ADGB: variants seen among roughly 807,000 people sequenced by gnomAD.
ADGB encodes calpain-7-like protein.
Under a neutral mutation model 210.5 loss-of-function variants are expected in ADGB, and 172 were observed. The ratio of observed to expected loss-of-function variants is 0.82; its 90% CI spans 0.72 to 0.93. The LOEUF (loss-of-function observed/expected upper bound fraction) is 0.93. Ranked by LOEUF, ADGB falls within the 40% of genes least tolerant of loss-of-function variation. The pLI, the probability that ADGB is intolerant of heterozygous loss-of-function variation, is 0.00. For synonymous variants in ADGB, 658 were observed against 662.7 expected (o/e 0.99, Z 0.11); for missense variants, 2,025 against 1,964.8 (o/e 1.03, Z -0.58).
intron 1 of ADGB, among the ~76,000 whole-genome samples, chr6:146,608,445 G>C (rs1780661634): frequency 6.6e-6 from 1 of 151,830 alleles, no homozygotes; most frequent in Non-Finnish European, 1.5e-5. Flanking sequence ...TGTTTTTCTG[G>C]TTCCTCTTGT....
At chr6:146,749,836 G>C (rs963988356) in intron 26 of ADGB, among the ~76,000 whole-genome samples, 2 of 152,074 alleles carry the variant, frequency 1.3e-5, no homozygotes, top group African/African-American at 2.4e-5. Flanking sequence ...GAGAGAGAGA[G>C]AGAGAAGGGG....
At chr6:146,712,184 G>GC (rs539019467) in intron 13 of ADGB, among the ~76,000 whole-genome samples, 1 of 149,898 alleles carries the variant, frequency 6.7e-6, no homozygotes, top group Non-Finnish European at 1.5e-5. Context: ...GTTTTGTTTT[G>GC]TTTTTTTTTG....
chr6:146,608,606 G>A (rs1429268991), intron 1 of ADGB, among the ~76,000 whole-genome samples: 2 of 152,064 alleles, frequency 1.3e-5, no homozygotes, highest in South Asian at 4.1e-4. Flanking sequence ...GAATTTCTTG[G>A]TTTCTGCCTT....
At chr6:146,688,072 C>T (rs747986138) in intron 10 of ADGB, among the ~76,000 whole-genome samples, 4 of 152,014 alleles carry the variant, frequency 2.6e-5, no homozygotes, top group East Asian at 1.9e-4. Flanking sequence ...TACTATTATA[C>T]GCTAAACAAT....
intron 29 of ADGB, among the ~76,000 whole-genome samples, chr6:146,776,707 C>T (rs1263455755): frequency 6.6e-6 from 1 of 152,028 alleles, no homozygotes; most frequent in Non-Finnish European, 1.5e-5. Flanking sequence ...AGAAATGCTT[C>T]ATGGGGCAGC....
intron 35 of ADGB, among the ~76,000 whole-genome samples, chr6:146,806,848 A>C (rs1778219177): frequency 6.6e-6 from 1 of 152,224 alleles, no homozygotes; most frequent in Non-Finnish European, 1.5e-5. Context: ...ATCCAGGAGG[A>C]GAGCGTGCGG....
intron 3 of ADGB, among the ~76,000 whole-genome samples, chr6:146,652,185 C>T (rs926959848): frequency 3.9e-5 from 6 of 152,146 alleles, no homozygotes; most frequent in African/African-American, 1.2e-4. Context: ...CTCTTACAAA[C>T]TTAATTTCTA....
chr6:146,609,742 T>A (rs542285623), intron 1 of ADGB, among the ~76,000 whole-genome samples: 1 of 152,332 alleles, frequency 6.6e-6, no homozygotes, highest in African/African-American at 2.4e-5. Context: ...TCGTTGGAAT[T>A]CCTTTACTTT....
At chr6:146,690,112 A>G (rs191463120) in intron 10 of ADGB, among the ~76,000 whole-genome samples, 11 of 152,172 alleles carry the variant, frequency 7.2e-5, no homozygotes, top group Non-Finnish European at 1.5e-4. Flanking sequence ...GATCTTGGGA[A>G]GGACTCTACT....
intron 1 of ADGB, among the ~76,000 whole-genome samples, chr6:146,617,417 G>T (rs1780818668): frequency 6.6e-6 from 1 of 151,976 alleles, no homozygotes; most frequent in South Asian, 2.1e-4. Context: ...TTCCAATTTG[G>T]ATGCCCTTTC....
chr6:146,811,441 T>TTA (rs3065940), intron 35 of ADGB, among the ~76,000 whole-genome samples: 89,993 of 149,992 alleles, frequency 0.6, 27,186 homozygotes, highest in East Asian at 0.77. Context: ...CTTTGTGTGT[T>TTA]TATATATATA....
chr6:146,601,526 A>G (rs1049949032), intron 1 of ADGB, among the ~76,000 whole-genome samples: 18 of 152,242 alleles, frequency 1.2e-4, no homozygotes, highest in South Asian at 2.1e-4. Context: ...GTTACTCAGT[A>G]TGAGGCGTAG....
intron 13 of ADGB, among the ~76,000 whole-genome samples, chr6:146,710,727 G>A (rs568032488): frequency 1.1e-4 from 17 of 152,004 alleles, no homozygotes; most frequent in East Asian, 3.9e-4. Context: ...GATTGTATTC[G>A]TTTTAAAGAG....
In ADGB at chr6:146,801,209, A is replaced by G. The variant is rs780698035; in HGVS notation, c.4564A>G (p.Thr1522Ala). ...IQTGPRTRSP[T>A]ILETSPRLIR... ...AACAGGACCTCGTACACGATCTCCA[A>G]CAATTTTGGAAACATCTCCACGACT... The change falls in exon 34 of 36, where the codon ACA (threonine) becomes GCA (alanine). Residue 1522 changes from threonine to alanine, a missense_variant. By Grantham distance (58) the Thr-to-Ala change is moderately conservative. Coordinates refer to ENST00000397944, the MANE Select transcript of ADGB (RefSeq NM_024694.4). 3.1e-5 allele frequency: 46 copies of G among 1,506,444 alleles called. No individual in the cohort carries two copies. The highest frequency in any genetic ancestry group is 5.2e-5 in the South Asian group (4 of 76,478). The allele number at this position is 1,506,444 out of a possible 1,614,324, so 93.3% of individuals were successfully genotyped here.
intron 29 of ADGB, 38 bp from the exon 30 acceptor site, chr6:146,781,982 A>G (rs1777807198): frequency 7.1e-7 from 1 of 1,401,066 alleles, no homozygotes; most frequent in South Asian, 1.8e-5. Flanking sequence ...TTATTGTTAT[A>G]TTATGACTCA....
At chr6:146,722,325 C>G (rs1776830132) in intron 17 of ADGB, among the ~76,000 whole-genome samples, 1 of 152,068 alleles carries the variant, frequency 6.6e-6, no homozygotes, top group Non-Finnish European at 1.5e-5. Context: ...ATTTTGGAAG[C>G]CACTGGGACT....
rs1562275298 is a variant in ADGB, at chr6:146,691,116, G to A, written c.1312G>A (p.Ala438Thr). Residue 438 changes from alanine to threonine, a missense_variant and splice_region_variant, in exon 11 of 36, where the codon GCA (alanine) becomes ACA (threonine). Ala to Thr is a moderately conservative substitution (Grantham distance 58). Transcript: ENST00000397944. ...TTTCAATTTACTTTCCATCTTCTAG[G>A]CAGATTCTGCTGAGAAACTTAGAGA... Reference protein sequence around the residue: ...ENKIFSLEKMADSAEKLREYG... With the variant: ...ENKIFSLEKMTDSAEKLREYG... The A allele has an allele frequency of 6.6e-7, 1 of 1,515,276 alleles. No homozygotes were observed. Among genetic ancestry groups the A allele is most frequent in the Non-Finnish European group, 8.8e-7 (1 of 1,132,178 alleles). The allele number at this position is 1,515,276 out of a possible 1,614,324, so 93.9% of individuals were successfully genotyped here.
chr6:146,634,580 A>G (rs1775374326), intron 1 of ADGB, among the ~76,000 whole-genome samples: 1 of 152,114 alleles, frequency 6.6e-6, no homozygotes, highest in African/African-American at 2.4e-5. Flanking sequence ...AGGTTTAGCA[A>G]TATGGGAATT....
intron 33 of ADGB, among the ~76,000 whole-genome samples, chr6:146,791,928 T>C (rs925165722): frequency 6.6e-6 from 1 of 150,470 alleles, no homozygotes; most frequent in African/African-American, 2.4e-5. Context: ...TTGCTTTTTT[T>C]TTTTTTTTTT....
Sources: allele counts gnomAD v4.1 joint callset (sites outside exome capture counted in the v4.1 genomes callset), GRCh38; gene constraint gnomAD v4.1.1; transcripts MANE v1.5; gene names NCBI Gene and HGNC (gene_info 2026-07-23, HGNC 2026-07-21).